Variants in TJP3 observed in about 807,000 individuals in gnomAD.
TJP3 encodes tight junction protein 3.
A neutral mutation model predicts 104.2 loss-of-function variants in TJP3; 85 were observed. The ratio of observed to expected loss-of-function variants is 0.82; its 90% confidence interval spans 0.68 to 0.98. The LOEUF is 0.98. Among genes scored for constraint, TJP3 ranks in the 50% least tolerant of loss-of-function variants. TJP3 has a pLI of 0.00. For missense variants in TJP3, 1,367 were observed against 1,322.8 expected (o/e 1.03, Z -0.52); for synonymous variants, 550 against 550.6 (o/e 1.00, Z 0.02).
At chr19:3,734,458 A>T (rs777714338) in intron 8 of TJP3, 23 bp downstream of exon 8, 293 of 1,582,254 alleles carry the variant, frequency 1.9e-4, no homozygotes, top group Non-Finnish European at 2.4e-4. Flanking sequence ...CATCGGCCAG[A>T]ATGGTGATAG....
At position 3,748,005 on chromosome 19, in the gene TJP3, C is replaced by T; in HGVS notation, c.2534C>T (p.Ser845Phe). 1 of 1,608,922 alleles carries T rather than the reference C, an allele frequency of 6.2e-7. No individual in the cohort carries two copies. The highest frequency in any genetic ancestry group is 1.1e-5 in the South Asian group (1 of 90,512). ...CCCCCGGCTCCAGCCCTGGCCCGGTCCTCGGAGCCCGTGCAGGCAGATGAG... is the reference window on the plus strand; with the variant it reads ...CCCCCGGCTCCAGCCCTGGCCCGGTTCTCGGAGCCCGTGCAGGCAGATGAG... ...DEPPAPALAR[S>F]SEPVQADESQ... is the part of the protein sequence containing the mutation. The change falls in exon 19 of 21, where the codon TCC (serine) becomes TTC (phenylalanine). Residue 845 changes from serine (S) to phenylalanine (F), a missense_variant. Transcript: ENST00000541714.
intron 19 of TJP3, among the ~76,000 whole-genome samples, chr19:3,748,748 A>T (rs1391991743): frequency 1.5e-5 from 2 of 130,922 alleles, no homozygotes; most frequent in African/African-American, 5.9e-5. Context: ...TTGTATTTTT[A>T]GTACAGACAG....
intron 14 of TJP3, among the ~76,000 whole-genome samples, chr19:3,740,981 AATTTATTT>A (rs1399261583): frequency 2.6e-5 from 4 of 152,022 alleles, no homozygotes; most frequent in Non-Finnish European, 5.9e-5. Context: ...CTCTACCTCA[AATTTATTT>A]ATTTATTTAT....
chr19:3,730,496 T>A lies in TJP3; in HGVS notation c.403T>A (p.Ser135Thr). Residue 135 changes from serine (S) to threonine (T), a missense_variant, in exon 5 of 21, where the codon TCC becomes ACC. Physicochemically the swap from Ser to Thr is moderately conservative, Grantham distance 58. Coordinates refer to ENST00000541714, the MANE Select transcript of TJP3 (RefSeq NM_001267560.2). This position sits in a 1 kb window ranked among gnomAD's most constrained non-coding sequence, Gnocchi z 7.3. ...GGGCCGGGGCTATGACGGCGACTCA[T>A]CCAGTGGCTCCGGCCGCTCCTGGGA... ...DQGRGYDGDS[S>T]SGSGRSWDER... The A allele has an allele frequency of 6.3e-7, 1 of 1,586,676 alleles. No homozygotes were observed. The highest frequency in any genetic ancestry group is 8.6e-7 in the Non-Finnish European group (1 of 1,167,636).
At chr19:3,715,903 C>T (rs1270134129) in intron 1 of TJP3, among the ~76,000 whole-genome samples, 2 of 151,942 alleles carry the variant, frequency 1.3e-5, no homozygotes, top group Non-Finnish European at 2.9e-5. Flanking sequence ...CTCGGCCTCC[C>T]GAGTAGCTGG....
At chr19:3,722,045 G>T in intron 1 of TJP3, 1 of 456,500 alleles carries the variant, frequency 2.2e-6, no homozygotes, top group Non-Finnish European at 3.6e-6. Context: ...GAGTCCCAGA[G>T]GGATGAAGTG....
chr19:3,718,403 G>A (rs529858651), intron 1 of TJP3, among the ~76,000 whole-genome samples: 2 of 149,394 alleles, frequency 1.3e-5, no homozygotes, highest in African/African-American at 4.9e-5. Flanking sequence ...TTTTAAAGAC[G>A]CTGAAGTCAG....
intron 1 of TJP3, chr19:3,721,640 T>G: frequency 3.2e-6 from 1 of 310,242 alleles, no homozygotes; most frequent in Non-Finnish European, 5.9e-6. Context: ...GCTCCTGTGA[T>G]GGGAGGTGGG....
In TJP3 at chr19:3,729,503, G is replaced by A. The variant is rs1031696385; in HGVS notation, c.159-525G>A. On this transcript the variant is annotated intron_variant, in intron 3 of 20. Coordinates refer to ENST00000541714, the MANE Select transcript of TJP3 (RefSeq NM_001267560.2). ...CAGGTGTAGCTGTAGCTTCAAGGCC[G>A]GGTGCAGTGGCTCACACCTGCAATC... Among the ~76,000 whole-genome samples the A allele has an allele frequency of 2.0e-4, 30 of 152,190 alleles. 1 individual carries two copies. The highest frequency in any genetic ancestry group is 6.3e-4 in the African/African-American group (26 of 41,524).
intron 1 of TJP3, among the ~76,000 whole-genome samples, chr19:3,716,038 C>T (rs1034172993): frequency 1.3e-5 from 2 of 151,656 alleles, no homozygotes; most frequent in East Asian, 2.0e-4. Flanking sequence ...CTCAGCCTCC[C>T]GAAGTGCTGG....
chr19:3,728,781 A>G (rs915207066), intron 3 of TJP3, 68 bp downstream of exon 3: 3 of 1,522,250 alleles, frequency 2.0e-6, no homozygotes, highest in African/African-American at 2.7e-5. Context: ...GGCCAGGCAC[A>G]GTGACTCACA....
Position 3,747,802 on chromosome 19 carries a change from C to G in TJP3, c.2331C>G (p.Gly777=), listed in dbSNP as rs140463574. The G allele has an allele frequency of 1.3e-6, 2 of 1,592,328 alleles. No individual in the cohort carries two copies. The highest frequency in any genetic ancestry group is 1.7e-6 in the Non-Finnish European group (2 of 1,172,272). Residue 777 remains glycine (G), a synonymous_variant, in exon 19 of 21, where the codon GGC becomes GGG. Coordinates refer to ENST00000541714, the MANE Select transcript of TJP3 (RefSeq NM_001267560.2). ...PIWTAEDQLD[G]SLEDNLDLPH... is the part of the protein sequence containing the mutation. ...CCACACCCACCCCACAGCTGGATGG[C>G]TCCTTGGAGGACAACCTAGACCTCC...
chr19:3,735,311 T>C (rs531811762), intron 8 of TJP3, among the ~76,000 whole-genome samples: 1 of 152,250 alleles, frequency 6.6e-6, no homozygotes, highest in African/African-American at 2.4e-5. Flanking sequence ...GCAATTCTCC[T>C]GCCTTAGCCT....
chr19:3,747,755 TGGCCAG>T, intron 18 of TJP3, 33 bp from the exon 19 acceptor site: 3 of 1,503,850 alleles, frequency 2.0e-6, no homozygotes, highest in Non-Finnish European at 1.8e-6. Flanking sequence ...GCTGGGGTCC[TGGCCAG>T]GGCCAGCCGC....
In TJP3 at chr19:3,730,619, C is replaced by A. The variant is rs138301512; in HGVS notation, c.526C>A (p.Leu176Met). ...GGGSEANGLALVSGFKRLPRQ... is the reference protein window; with the variant it reads ...GGGSEANGLAMVSGFKRLPRQ... Reference sequence around the variant, plus strand: ...TGGCTCTGAGGCCAACGGGCTGGCCCTGGTGTCCGGCTTTAAGCGGCTGCC... The same window carrying A: ...TGGCTCTGAGGCCAACGGGCTGGCCATGGTGTCCGGCTTTAAGCGGCTGCC... The change falls in exon 5 of 21, where the codon CTG becomes ATG. Residue 176 changes from leucine to methionine, a missense_variant. Coordinates refer to ENST00000541714, the MANE Select transcript of TJP3 (RefSeq NM_001267560.2). The surrounding 1 kb of genome is among the most constrained non-coding windows in gnomAD (Gnocchi z 7.3). 1.7e-3 allele frequency: 2,723 copies of A among 1,611,966 alleles called. 46 individuals carry two copies. The African/African-American group carries it at 0.03, about 18-fold the overall frequency.
chr19:3,709,871 C>T (rs979027313), intron 1 of TJP3, among the ~76,000 whole-genome samples: 8 of 152,148 alleles, frequency 5.3e-5, no homozygotes, highest in Non-Finnish European at 7.4e-5. Context: ...TATTGAGGGC[C>T]GGGCGCGGTG....
At chr19:3,712,002 C>CTGTG (rs538802993) in intron 1 of TJP3, among the ~76,000 whole-genome samples, 6 of 151,170 alleles carry the variant, frequency 4.0e-5, no homozygotes, top group African/African-American at 9.7e-5. Flanking sequence ...TCTTGATTGC[C>CTGTG]TGTGTGTGTG....
At chr19:3,739,485 G>C (rs1035476526) in intron 13 of TJP3, among the ~76,000 whole-genome samples, 5 of 152,108 alleles carry the variant, frequency 3.3e-5, no homozygotes, top group Non-Finnish European at 7.4e-5. Context: ...TGAGACTCTT[G>C]TCTCAATAAA....
In TJP3 at chr19:3,734,121, G is replaced by C. The variant is rs150849759; in HGVS notation, c.878-206G>C. 1.7e-3 allele frequency among the ~76,000 whole-genome samples: 258 copies of C among 152,266 alleles called. 2 individuals are homozygous for C. The highest frequency in any genetic ancestry group is 5.5e-3 in the African/African-American group (230 of 41,552). On this transcript the variant is annotated intron_variant, in intron 7 of 20. Coordinates refer to ENST00000541714, the MANE Select transcript of TJP3 (RefSeq NM_001267560.2). ...AAGCGATTCTCTGCCTCCTGGGTTC[G>C]AGCGATTCTCGTGCCTTGGCCTCCT...
Sources: gnomAD v4.1 joint callset for allele counts (sites outside exome capture counted in the v4.1 genomes callset) on GRCh38, gnomAD v4.1.1 for gene constraint, Gnocchi (gnomAD v3.1) non-coding constraint, MANE v1.5 for transcripts, NCBI Gene and HGNC (gene_info 2026-07-23, HGNC 2026-07-21) for gene names.